The following OSBPL1A variants were observed in gnomAD, a reference collection of about 807,000 sequenced individuals.
OSBPL1A encodes oxysterol binding protein like 1A.
In OSBPL1A, 80 loss-of-function variants were observed where a neutral mutation model predicts 137.1. The observed-to-expected ratio is 0.58, with a 90% CI of 0.49 to 0.70. The LOEUF (loss-of-function observed/expected upper bound fraction) is 0.70, where lower values mean the gene tolerates loss of function less well. Among genes scored for constraint, OSBPL1A ranks in the 30% least tolerant of loss-of-function variants. OSBPL1A has a pLI of 0.00. For missense variants in OSBPL1A, 970 were observed against 1,129.4 expected (o/e 0.86, Z 2.02); for synonymous variants, 365 against 389.7 (o/e 0.94, Z 0.75).
intron 16 of OSBPL1A, among the ~76,000 whole-genome samples, chr18:24,237,493 C>T (rs928395693): frequency 5.3e-5 from 8 of 151,872 alleles, no homozygotes; most frequent in Admixed American, 6.6e-5. Flanking sequence ...TCAGTAGAGA[C>T]GGGGTTTCAC....
At chr18:24,339,057 C>T (rs904065308) in intron 5 of OSBPL1A, among the ~76,000 whole-genome samples, 13 of 152,078 alleles carry the variant, frequency 8.5e-5, no homozygotes, top group African/African-American at 1.2e-4. Flanking sequence ...CTGCAACTTC[C>T]GCCTCCCGGG....
intron 14 of OSBPL1A, 126 bp from the exon 15 acceptor site, chr18:24,281,074 T>A: frequency 1.8e-6 from 1 of 551,504 alleles, no homozygotes; most frequent in Non-Finnish European, 3.0e-6. Context: ...GCAAAACATA[T>A]CATGTTTCTT....
In OSBPL1A at chr18:24,377,464, G is replaced by C; in HGVS notation, c.70C>G (p.Leu24Val). The C allele has an allele frequency of 6.2e-7, 1 of 1,612,662 alleles. No individual in the cohort carries two copies. The highest frequency in any genetic ancestry group is 8.5e-7 in the Non-Finnish European group (1 of 1,179,728). ...TCATTCCTCGCCATGGTCTCTAATA[G>C]TTGTCTTACTTCTTCAGCATTGCCA... is the stretch of plus-strand genomic sequence containing the variant. ...RNGNAEEVRQ[L>V]LETMARNEVI... The change falls in exon 2 of 28, where the codon CTA becomes GTA. Residue 24 changes from leucine (L) to valine (V), a missense_variant. Physicochemically the swap from Leu to Val is conservative, Grantham distance 32 (BLOSUM62 1). Transcript: ENST00000319481.
At chr18:24,179,612 G>C (rs2086544879) in intron 20 of OSBPL1A, 126 bp downstream of exon 20, 1 of 745,824 alleles carries the variant, frequency 1.3e-6, no homozygotes, top group South Asian at 1.8e-5. Flanking sequence ...AGCTATCCTA[G>C]AAACAAACAT....
Position 24,359,910 on chromosome 18 carries a change from T to C in OSBPL1A, c.282+6982A>G, listed in dbSNP as rs79047599. Among the ~76,000 whole-genome samples the C allele has an allele frequency of 6.2e-3, 947 of 152,260 alleles. 12 individuals are homozygous for C. The highest frequency in any genetic ancestry group is 8.4e-3 in the Non-Finnish European group (574 of 68,016). ...ACCAAAGAACACTAGGGGGCACTAATGTACCAAGAAAAGCCCAAAGGTGCC... is the reference window on the plus strand; with the variant it reads ...ACCAAAGAACACTAGGGGGCACTAACGTACCAAGAAAAGCCCAAAGGTGCC... On this transcript the variant is annotated intron_variant, in intron 4 of 27. Transcript: ENST00000319481.
intron 7 of OSBPL1A, among the ~76,000 whole-genome samples, chr18:24,319,952 C>T (rs998197899): frequency 2.1e-5 from 3 of 142,192 alleles, no homozygotes; most frequent in East Asian, 2.0e-4. Context: ...TAAGACTCGC[C>T]GGGGTAATAC....
intron 22 of OSBPL1A, among the ~76,000 whole-genome samples, 185 bp downstream of exon 22, chr18:24,172,191 G>A (rs543445693): frequency 5.9e-5 from 9 of 152,004 alleles, no homozygotes; most frequent in South Asian, 2.1e-4. Flanking sequence ...CACCCGCCTC[G>A]GCCTCCCAAA....
chr18:24,228,248 A>C (rs2088152680), intron 16 of OSBPL1A, among the ~76,000 whole-genome samples: 2 of 118,106 alleles, frequency 1.7e-5, no homozygotes, highest in Admixed American at 9.9e-5. Flanking sequence ...CTTTGTCCTT[A>C]CTCTTCTCCC....
intron 14 of OSBPL1A, among the ~76,000 whole-genome samples, chr18:24,283,281 A>ATATAT (rs1555644491): frequency 7.5e-4 from 59 of 78,352 alleles, no homozygotes; most frequent in South Asian, 1.7e-3. Flanking sequence ...AAAAAAAAAA[A>ATATAT]ATATATATAT....
intron 4 of OSBPL1A, among the ~76,000 whole-genome samples, chr18:24,352,252 T>C (rs1457258919): frequency 6.6e-6 from 1 of 151,922 alleles, no homozygotes; most frequent in Non-Finnish European, 1.5e-5. Flanking sequence ...CAGGGAACAG[T>C]GATTGTGCCA....
At chr18:24,232,875 C>G (rs867716086) in intron 16 of OSBPL1A, among the ~76,000 whole-genome samples, 1 of 152,190 alleles carries the variant, frequency 6.6e-6, no homozygotes, top group Non-Finnish European at 1.5e-5. Context: ...TGTACTCTTA[C>G]ATCTGCTGAG....
chr18:24,300,017 C>T (rs924048027), intron 14 of OSBPL1A, among the ~76,000 whole-genome samples: 5 of 152,152 alleles, frequency 3.3e-5, no homozygotes, highest in African/African-American at 1.2e-4. Flanking sequence ...GGATTGATAA[C>T]ATGGCCTTCA....
intron 14 of OSBPL1A, chr18:24,302,260 C>T (rs1410286909): frequency 6.8e-6 from 1 of 147,692 alleles, no homozygotes; most frequent in Non-Finnish European, 1.5e-5. Context: ...AAAAGTTAAT[C>T]ATAAACTCAC....
At chr18:24,350,153 A>G (rs2091414212) in intron 4 of OSBPL1A, among the ~76,000 whole-genome samples, 1 of 152,006 alleles carries the variant, frequency 6.6e-6, no homozygotes, top group African/African-American at 2.4e-5. Context: ...GGCCATGAAT[A>G]TTCGAGTCAA....
intron 18 of OSBPL1A, among the ~76,000 whole-genome samples, chr18:24,187,083 G>A (rs2086768307): frequency 6.6e-6 from 1 of 152,038 alleles, no homozygotes; most frequent in African/African-American, 2.4e-5. Flanking sequence ...AAAAAGAAGA[G>A]CAACAAAATA....
intron 19 of OSBPL1A, 59 bp downstream of exon 19, chr18:24,181,086 G>T: frequency 6.4e-7 from 1 of 1,559,666 alleles, no homozygotes; most frequent in South Asian, 1.2e-5. Context: ...GTGTGTGTTC[G>T]GGGCTGGGTT....
chr18:24,351,347 CAAA>C (rs1172514692), intron 4 of OSBPL1A, among the ~76,000 whole-genome samples: 396 of 35,746 alleles, frequency 0.011, 3 homozygotes, highest in African/African-American at 0.036. Flanking sequence ...GACTCTGTCT[CAAA>C]AAAAAAAAAA....
intron 7 of OSBPL1A, among the ~76,000 whole-genome samples, chr18:24,320,871 A>T (rs1020588025): frequency 2.0e-5 from 3 of 151,954 alleles, no homozygotes; most frequent in Middle Eastern, 3.2e-3. Context: ...TCTACTAAAA[A>T]TACAAAAATT....
Position 24,250,501 on chromosome 18 carries a change from C to T in OSBPL1A, c.1282-11119G>A, listed in dbSNP as rs150571539. Among the ~76,000 whole-genome samples the T allele has an allele frequency of 2.3e-3, 343 of 152,270 alleles. 1 individual carries two copies. Among genetic ancestry groups the T allele is most frequent in the African/African-American group, 8.0e-3 (334 of 41,562 alleles). ...TCCTGACGACATTTCTAGACACATC[C>T]TGGGCCAGAAGGGAACCTGCTGCCT... On this transcript the variant is annotated intron_variant, in intron 15 of 27. Coordinates refer to ENST00000319481, the MANE Select transcript of OSBPL1A (RefSeq NM_080597.4).
Sources: allele counts gnomAD v4.1 joint callset (sites outside exome capture counted in the v4.1 genomes callset), GRCh38; gene constraint gnomAD v4.1.1; transcripts MANE v1.5; gene names NCBI Gene and HGNC (gene_info 2026-07-23, HGNC 2026-07-21).